GSPT1: variants seen among roughly 807,000 people sequenced by gnomAD.
The protein encoded by GSPT1 is eukaryotic peptide chain release factor GTP-binding subunit ERF3A.
GSPT1 carries 20 observed loss-of-function variants against 72.5 expected under a neutral mutation model. That is an observed-to-expected ratio of 0.28 (90% CI 0.19 to 0.40). GSPT1 has a LOEUF of 0.40. GSPT1 is among the 10% of genes least tolerant of loss of function. The pLI, the probability that GSPT1 is intolerant of heterozygous loss-of-function variation, is 1.00. For missense variants in GSPT1, 580 were observed against 811.9 expected (o/e 0.71, Z 3.47); for synonymous variants, 334 against 293.5 (o/e 1.14, Z -1.41).
At chr16:11,903,857 C>G (rs573763463) in intron 1 of GSPT1, 1 of 152,494 alleles carries the variant, frequency 6.6e-6, no homozygotes, top group African/African-American at 2.4e-5. Context: ...TGTCGTAGTT[C>G]AGGAACACGA....
rs1472477008 is a variant in GSPT1 at position 11,915,744 on chromosome 16, T to C, written c.-24A>G. 2.6e-6 allele frequency: 4 copies of C among 1,536,214 alleles called. No individual in the cohort carries two copies. The highest frequency in any genetic ancestry group is 3.5e-6 in the Non-Finnish European group (4 of 1,147,638). ...ATGATCGGGGGGGCCGTGTGTGTGGTGGACAGAGAGCGGGAAATGGAGGCA... is the reference window on the plus strand; with the variant it reads ...ATGATCGGGGGGGCCGTGTGTGTGGCGGACAGAGAGCGGGAAATGGAGGCA... On this transcript the variant is annotated 5_prime_UTR_variant, in exon 1 of 15. Transcript: ENST00000434724.
At chr16:11,901,931 AC>A (rs1245100894) in intron 1 of GSPT1, among the ~76,000 whole-genome samples, 3 of 151,876 alleles carry the variant, frequency 2.0e-5, no homozygotes, top group Non-Finnish European at 4.4e-5. Context: ...CCCCAACTCT[AC>A]TAAAAACACA....
At chr16:11,887,915 A>G (rs2054204086) in intron 6 of GSPT1, among the ~76,000 whole-genome samples, 165 bp from the exon 7 acceptor site, 1 of 152,222 alleles carries the variant, frequency 6.6e-6, no homozygotes, top group Non-Finnish European at 1.5e-5. Flanking sequence ...CTGTAATCTG[A>G]GCACTTTGGG....
chr16:11,887,666 G>A lies in GSPT1; in HGVS notation c.861C>T (p.Thr287=), dbSNP rs201942282. The A allele has an allele frequency of 4.3e-6, 7 of 1,613,168 alleles. No homozygotes were observed. The highest frequency in any genetic ancestry group is 1.3e-5 in the African/African-American group (1 of 74,964). The part of the protein sequence containing the change: ...TVEVGRAYFE[T]EKKHFTILDA... ...CTAGAATTGTGAAATGCTTCTTTTCGGTTTCAAAATAGGCACGACCCACTT... is the reference window on the plus strand; with the variant it reads ...CTAGAATTGTGAAATGCTTCTTTTCAGTTTCAAAATAGGCACGACCCACTT... Residue 287 remains threonine, a synonymous_variant, in exon 7 of 15, where the codon ACC becomes ACT. Transcript: ENST00000434724.
intron 12 of GSPT1, 116 bp from the exon 13 acceptor site, chr16:11,876,291 C>CT: frequency 1.4e-6 from 1 of 728,320 alleles, no homozygotes; most frequent in South Asian, 1.6e-5. Flanking sequence ...AGGACATCAA[C>CT]TTAAGTGATT....
intron 1 of GSPT1, among the ~76,000 whole-genome samples, chr16:11,910,477 T>C (rs995028627): frequency 6.6e-6 from 1 of 152,200 alleles, no homozygotes; most frequent in Non-Finnish European, 1.5e-5. Context: ...AAATGTTTGT[T>C]AATGAGTCGC....
chr16:11,887,434 G>T, intron 7 of GSPT1, 136 bp downstream of exon 7: 1 of 683,408 alleles, frequency 1.5e-6, no homozygotes, highest in Non-Finnish European at 2.5e-6. Context: ...AGATTAGTAT[G>T]ATGAAAACTG....
intron 3 of GSPT1, among the ~76,000 whole-genome samples, chr16:11,897,602 C>G (rs529770487): frequency 6.6e-6 from 1 of 152,202 alleles, no homozygotes; most frequent in African/African-American, 2.4e-5. Context: ...GAAAACAGAA[C>G]AGGTACAGGT....
chr16:11,898,441 CTTTTT>C (rs5815660), intron 1 of GSPT1, among the ~76,000 whole-genome samples: 1 of 107,074 alleles, frequency 9.3e-6, no homozygotes, highest in Non-Finnish European at 1.9e-5. Flanking sequence ...GTGATTAGCC[CTTTTT>C]TTTTTTTTTT....
chr16:11,897,810 C>CCA, intron 3 of GSPT1, 30 bp downstream of exon 3: 1 of 1,146,664 alleles, frequency 8.7e-7, no homozygotes, highest in East Asian at 2.5e-5. Context: ...TTTCATATTA[C>CCA]TGTATTAATA....
At chr16:11,896,507 G>A in intron 4 of GSPT1, 51 bp downstream of exon 4, 3 of 974,364 alleles carry the variant, frequency 3.1e-6, no homozygotes, top group South Asian at 1.4e-5. Context: ...TAAAAAGGAT[G>A]TTCTATGTTT....
intron 1 of GSPT1, among the ~76,000 whole-genome samples, chr16:11,898,255 T>C (rs2054364316): frequency 1.3e-5 from 2 of 152,194 alleles, no homozygotes; most frequent in South Asian, 4.1e-4. Context: ...ACATTTTCAG[T>C]AGTTTCAATG....
At chr16:11,888,711 G>C (rs963939438) in intron 6 of GSPT1, among the ~76,000 whole-genome samples, 1 of 151,854 alleles carries the variant, frequency 6.6e-6, no homozygotes, top group Non-Finnish European at 1.5e-5. Flanking sequence ...GCAGTGAGCT[G>C]AGATCGCGCC....
rs114154054 is a variant in GSPT1 at position 11,903,190 on chromosome 16, C to T, written c.353-5155G>A. Among the ~76,000 whole-genome samples, 1,211 of 152,168 alleles carry T rather than the reference C, an allele frequency of 8.0e-3. 10 individuals are homozygous for T. The highest frequency in any genetic ancestry group is 0.028 in the African/African-American group (1,144 of 41,526). The stretch of plus-strand genomic sequence containing the variant: ...CATAGAATATGTGGTGTTTGTGTTG[C>T]TTCACCATAATCAAATTTTAACTAT... On this transcript the variant is annotated intron_variant, in intron 1 of 14. Coordinates refer to ENST00000434724, the MANE Select transcript of GSPT1 (RefSeq NM_002094.4).
At position 11,886,945 on chromosome 16, in the gene GSPT1, AG is replaced by A; in HGVS notation, c.958-15del. The A allele has an allele frequency of 1.9e-6, 3 of 1,612,272 alleles. No homozygotes were observed. The highest frequency in any genetic ancestry group is 2.5e-6 in the Non-Finnish European group (3 of 1,178,772). ...GGCTGAGATTACCTAATTCCAAGAA[AG>A]GAAACAGTTTACTCCTTCGCCTTCA... is the stretch of plus-strand genomic sequence containing the variant. On this transcript the variant is annotated splice_polypyrimidine_tract_variant and intron_variant, in intron 7 of 14. Coordinates refer to ENST00000434724, the MANE Select transcript of GSPT1 (RefSeq NM_002094.4).
At position 11,907,966 on chromosome 16, in the gene GSPT1, G is replaced by C. The variant is rs370287660; in HGVS notation, c.352+7403C>G. 1.4e-4 allele frequency among the ~76,000 whole-genome samples: 21 copies of C among 152,346 alleles called. No individual in the cohort carries two copies. In the East Asian group the frequency reaches 3.7e-3, roughly 27 times the overall value. ...TACTTCAAAAACAATTTGAGGCCAG[G>C]CGCGGTGGCTCACACATGTAATCCC... On this transcript the variant is annotated intron_variant, in intron 1 of 14. Coordinates refer to ENST00000434724, the MANE Select transcript of GSPT1 (RefSeq NM_002094.4).
rs913304444 is a variant in GSPT1, at chr16:11,891,285, TATATATAAC to T, written c.699-155_699-147del. The T allele has an allele frequency of 4.4e-4, 104 of 234,880 alleles. 2 individuals carry two copies. Among genetic ancestry groups the T allele is most frequent in the Non-Finnish European group, 6.8e-4 (86 of 127,406 alleles). The allele number at this position is 234,880 out of a possible 1,614,324, so 14.5% of individuals were successfully genotyped here. A position where few individuals can be genotyped will look rare whatever the true frequency, so the allele number is the denominator to read the frequency against. Reference sequence around the variant, plus strand: ...TGTCTGTCTAAAAAAATATAAAATATATATATAACATATATAACATATTTTTATATAAAA... The same window carrying T: ...TGTCTGTCTAAAAAAATATAAAATATATATATAACATATTTTTATATAAAA... On this transcript the variant is annotated intron_variant, in intron 5 of 14. Coordinates refer to ENST00000434724, the MANE Select transcript of GSPT1 (RefSeq NM_002094.4).
At chr16:11,893,540 A>G (rs1214513937) in intron 5 of GSPT1, among the ~76,000 whole-genome samples, 1 of 152,178 alleles carries the variant, frequency 6.6e-6, no homozygotes, top group Non-Finnish European at 1.5e-5. Flanking sequence ...TCAAAATGAG[A>G]TAATAATTTC....
chr16:11,903,559 T>C (rs1232667115), intron 1 of GSPT1, among the ~76,000 whole-genome samples: 1 of 152,064 alleles, frequency 6.6e-6, no homozygotes, highest in Non-Finnish European at 1.5e-5. Flanking sequence ...TGGTAGCACA[T>C]GTCTGTAGTG....
Sources: gnomAD v4.1 joint callset for allele counts (sites outside exome capture counted in the v4.1 genomes callset) on GRCh38, gnomAD v4.1.1 for gene constraint, MANE v1.5 for transcripts, NCBI Gene and HGNC (gene_info 2026-07-23, HGNC 2026-07-21) for gene names.